The following ZNF385D variants were observed in gnomAD, a reference collection of about 807,000 sequenced individuals.
ZNF385D encodes zinc finger protein 659.
In ZNF385D, 15 loss-of-function variants were observed where a neutral mutation model predicts 35.8. The ratio of observed to expected loss-of-function variants is 0.42; its 90% CI spans 0.28 to 0.64. The LOEUF (loss-of-function observed/expected upper bound fraction) is 0.64, where lower values mean the gene tolerates loss of function less well. ZNF385D is among the 30% of genes least tolerant of loss of function. The pLI, the probability that ZNF385D is intolerant of heterozygous loss-of-function variation, is 0.23. For synonymous variants in ZNF385D, 212 were observed against 186.8 expected (o/e 1.13, Z -1.10); for missense variants, 474 against 494.6 (o/e 0.96, Z 0.39).
intron 3 of ZNF385D, among the ~76,000 whole-genome samples, chr3:21,912,115 T>C (rs1206019021): frequency 6.6e-6 from 1 of 151,988 alleles, no homozygotes; most frequent in African/African-American, 2.4e-5. Context: ...TTCAAAATTC[T>C]TATTTTGCCA....
chr3:21,570,052 T>TATA (rs780614695), intron 2 of ZNF385D, among the ~76,000 whole-genome samples: 24 of 150,920 alleles, frequency 1.6e-4, no homozygotes, highest in Middle Eastern at 3.4e-3. Context: ...AAACTTAAAG[T>TATA]ATAATAATAA....
intron 1 of ZNF385D, among the ~76,000 whole-genome samples, chr3:21,695,749 A>AATAT (rs10662723): frequency 6.8e-6 from 1 of 146,558 alleles, no homozygotes; most frequent in Admixed American, 7.1e-5. Flanking sequence ...GGTGCTGTTA[A>AATAT]ATATATATTA....
At chr3:22,218,783 T>C (rs968104604) in intron 2 of ZNF385D, among the ~76,000 whole-genome samples, 2 of 152,158 alleles carry the variant, frequency 1.3e-5, no homozygotes, top group African/African-American at 4.8e-5. Context: ...AGTTGTTCAT[T>C]GCCTTCAAGA....
chr3:21,450,564 T>C (rs1442664919), intron 4 of ZNF385D, among the ~76,000 whole-genome samples: 1 of 152,122 alleles, frequency 6.6e-6, no homozygotes, highest in African/African-American at 2.4e-5. Flanking sequence ...AACTGTATGA[T>C]TTGGTTCAGT....
At chr3:22,199,747 G>A (rs995822507) in intron 2 of ZNF385D, among the ~76,000 whole-genome samples, 1 of 152,052 alleles carries the variant, frequency 6.6e-6, no homozygotes, top group African/African-American at 2.4e-5. Context: ...TCTAAATGAG[G>A]TATGGCTAAC....
At chr3:21,813,137 C>T (rs1435041271) in intron 3 of ZNF385D, among the ~76,000 whole-genome samples, 2 of 152,214 alleles carry the variant, frequency 1.3e-5, no homozygotes, top group Non-Finnish European at 2.9e-5. Flanking sequence ...AGGGTCCTGA[C>T]TGTTAGAAGG....
At chr3:22,196,929 C>T (rs573730685) in intron 2 of ZNF385D, among the ~76,000 whole-genome samples, 57 of 151,934 alleles carry the variant, frequency 3.8e-4, no homozygotes, top group Middle Eastern at 3.4e-3. Flanking sequence ...TTTCTTTGCC[C>T]AAAAATATCT....
chr3:21,572,301 T>A (rs2063358536), intron 2 of ZNF385D, among the ~76,000 whole-genome samples: 1 of 152,228 alleles, frequency 6.6e-6, no homozygotes. Flanking sequence ...CATAATTTTA[T>A]ACAGTTGTAA....
intron 2 of ZNF385D, among the ~76,000 whole-genome samples, chr3:21,568,362 T>G (rs2063220270): frequency 6.6e-6 from 1 of 152,200 alleles, no homozygotes; most frequent in Admixed American, 6.5e-5. Context: ...GATAGTTTGA[T>G]CATTTTGTCT....
At chr3:21,723,204 C>T (rs951561117) in intron 1 of ZNF385D, among the ~76,000 whole-genome samples, 6 of 152,094 alleles carry the variant, frequency 3.9e-5, no homozygotes, top group African/African-American at 1.4e-4. Context: ...GAAACCAGCA[C>T]AAAAAGGGTG....
intron 3 of ZNF385D, among the ~76,000 whole-genome samples, chr3:21,940,530 G>T (rs1329608656): frequency 1.3e-5 from 2 of 152,124 alleles, no homozygotes; most frequent in Admixed American, 6.6e-5. Flanking sequence ...TATATTTTAT[G>T]CCAGAAACTC....
chr3:21,877,475 G>C (rs922358395), intron 3 of ZNF385D, among the ~76,000 whole-genome samples: 1 of 151,978 alleles, frequency 6.6e-6, no homozygotes, highest in African/African-American at 2.4e-5. Flanking sequence ...CACACACTTT[G>C]GTAGTTATTT....
chr3:21,443,101 C>T (rs1015098623), intron 4 of ZNF385D: 21 of 981,146 alleles, frequency 2.1e-5, no homozygotes, highest in African/African-American at 3.5e-5. Context: ...GTGCTTTAAA[C>T]GGCCTAGAAA....
intron 3 of ZNF385D, among the ~76,000 whole-genome samples, chr3:22,146,245 A>G (rs1704845515): frequency 6.6e-6 from 1 of 152,208 alleles, no homozygotes; most frequent in Non-Finnish European, 1.5e-5. Context: ...TGTTTCACCA[A>G]ACAGAAATAT....
intron 4 of ZNF385D, among the ~76,000 whole-genome samples, chr3:21,487,635 A>C (rs1290329382): frequency 1.3e-5 from 2 of 152,074 alleles, no homozygotes; most frequent in Non-Finnish European, 2.9e-5. Context: ...TACTTGCTGA[A>C]AATATAATAC....
chr3:21,771,814 A>T (rs2071089109), intron 3 of ZNF385D, among the ~76,000 whole-genome samples: 1 of 151,946 alleles, frequency 6.6e-6, no homozygotes, highest in Non-Finnish European at 1.5e-5. Context: ...GAGGACTCAC[A>T]CTTACTGATT....
At chr3:22,265,598 C>A (rs1021158004) in intron 2 of ZNF385D, among the ~76,000 whole-genome samples, 3 of 151,906 alleles carry the variant, frequency 2.0e-5, no homozygotes, top group Non-Finnish European at 4.4e-5. Context: ...ATTTTTGTCA[C>A]AGAAGGGAAG....
At chr3:22,146,820 C>A (rs560940429) in intron 3 of ZNF385D, among the ~76,000 whole-genome samples, 1 of 152,122 alleles carries the variant, frequency 6.6e-6, no homozygotes, top group African/African-American at 2.4e-5. Flanking sequence ...TTTGATGATA[C>A]TCTTATGAAA....
chr3:22,022,779 AT>A (rs1305986805), intron 3 of ZNF385D, among the ~76,000 whole-genome samples: 1 of 152,202 alleles, frequency 6.6e-6, no homozygotes, highest in Non-Finnish European at 1.5e-5. Context: ...ACATTTAAAA[AT>A]ATATGGAGAA....
Sources: allele counts gnomAD v4.1 joint callset (sites outside exome capture counted in the v4.1 genomes callset), GRCh38; gene constraint gnomAD v4.1.1; transcripts MANE v1.5; gene names NCBI Gene and HGNC (gene_info 2026-07-23, HGNC 2026-07-21).